Variants in TECPR2 observed in about 807,000 individuals in gnomAD.
The protein encoded by TECPR2 is tectonin beta-propeller repeat-containing protein 2.
TECPR2 carries 65 observed loss-of-function variants against 138.1 expected under a neutral mutation model. That is an observed-to-expected ratio of 0.47 (90% CI 0.39 to 0.58). The LOEUF is 0.58. Ranked by LOEUF, TECPR2 falls within the 20% of genes least tolerant of loss-of-function variation. TECPR2 has a pLI of 0.00. For missense variants in TECPR2, 1,553 were observed against 1,824.5 expected, an observed-to-expected ratio of 0.85 and a Z score of 2.71; for synonymous variants, 746 against 749.8, an observed-to-expected ratio of 0.99 and a Z score of 0.08.
chr14:102,376,981 A>G (rs1442716000), intron 2 of TECPR2, 41 bp downstream of exon 2: 9 of 1,581,010 alleles, frequency 5.7e-6, no homozygotes, highest in South Asian at 2.3e-5. Context: ...GGCACGAGCC[A>G]TAGCTGACGC....
intron 2 of TECPR2, among the ~76,000 whole-genome samples, chr14:102,387,619 C>G (rs1056950761): frequency 6.6e-6 from 1 of 152,004 alleles, no homozygotes; most frequent in Admixed American, 6.6e-5. Flanking sequence ...CTCTGCCTCC[C>G]GGTTTCACAT....
At chr14:102,370,232 C>A (rs962498968) in intron 1 of TECPR2, among the ~76,000 whole-genome samples, 1 of 151,982 alleles carries the variant, frequency 6.6e-6, no homozygotes, top group South Asian at 2.1e-4. Flanking sequence ...CCACCATGCC[C>A]AGCTAATTTT....
intron 16 of TECPR2, among the ~76,000 whole-genome samples, chr14:102,455,892 C>T (rs1017285940): frequency 1.1e-4 from 16 of 152,116 alleles, no homozygotes; most frequent in African/African-American, 3.6e-4. Context: ...GGATTACAGG[C>T]GTGAGCCACC....
intron 2 of TECPR2, among the ~76,000 whole-genome samples, chr14:102,383,962 C>G (rs1308935599): frequency 1.3e-5 from 2 of 150,362 alleles, no homozygotes; most frequent in African/African-American, 4.9e-5. Flanking sequence ...CTCTTGTTGC[C>G]TAGCCTGGAG....
At chr14:102,470,596 C>T (rs1293005871) in intron 17 of TECPR2, among the ~76,000 whole-genome samples, 2 of 151,714 alleles carry the variant, frequency 1.3e-5, no homozygotes, top group Admixed American at 1.3e-4. Context: ...GCATGAGCCA[C>T]TGCACCCAGC....
At chr14:102,401,078 T>G (rs1888463740) in intron 2 of TECPR2, among the ~76,000 whole-genome samples, 1 of 151,822 alleles carries the variant, frequency 6.6e-6, no homozygotes, top group Admixed American at 6.6e-5. Flanking sequence ...GTTTATTGGT[T>G]AATTACCTTA....
intron 10 of TECPR2, chr14:102,438,571 CTT>C (rs1356217591): frequency 1.1e-5 from 2 of 189,722 alleles, no homozygotes; most frequent in South Asian, 2.4e-4. Flanking sequence ...ACGTGTTTCT[CTT>C]TCTCATTGTT....
At chr14:102,458,872 G>C (rs138056752) in intron 16 of TECPR2, among the ~76,000 whole-genome samples, 1,563 of 151,574 alleles carry the variant, frequency 0.01, 29 homozygotes, top group African/African-American at 0.036. Context: ...CTACTTGGGA[G>C]GCTGAGGCAG....
intron 2 of TECPR2, among the ~76,000 whole-genome samples, chr14:102,384,193 A>G (rs1409363584): frequency 6.6e-6 from 1 of 151,942 alleles, no homozygotes; most frequent in Non-Finnish European, 1.5e-5. Context: ...TGCTGGGATT[A>G]CGGGTGTGAG....
chr14:102,493,377 G>C (rs1891200060), intron 17 of TECPR2, among the ~76,000 whole-genome samples: 2 of 152,056 alleles, frequency 1.3e-5, no homozygotes, highest in African/African-American at 4.8e-5. Context: ...CCTCCACATA[G>C]CCTGGTGGCC....
At chr14:102,408,426 G>A in intron 3 of TECPR2, 62 bp from the exon 4 acceptor site, 6 of 1,529,136 alleles carry the variant, frequency 3.9e-6, no homozygotes, top group Non-Finnish European at 5.3e-6. Flanking sequence ...TTTCCATGTA[G>A]CCCCAGCTCA....
chr14:102,485,240 A>G (rs1427856811), intron 17 of TECPR2, among the ~76,000 whole-genome samples: 2 of 152,186 alleles, frequency 1.3e-5, no homozygotes, highest in Non-Finnish European at 2.9e-5. Flanking sequence ...GCTGCCTGTT[A>G]CACTGTAAGT....
At chr14:102,425,480 T>A (rs575947146) in intron 6 of TECPR2, among the ~76,000 whole-genome samples, 189 bp downstream of exon 6, 1 of 152,198 alleles carries the variant, frequency 6.6e-6, no homozygotes, top group African/African-American at 2.4e-5. Context: ...AAAAAAAAAA[T>A]TTGGTTTTGA....
chr14:102,375,354 A>T (rs1034613015), intron 1 of TECPR2, among the ~76,000 whole-genome samples: 2 of 151,976 alleles, frequency 1.3e-5, no homozygotes, highest in African/African-American at 4.8e-5. Flanking sequence ...TCAAAAAAAA[A>T]GAAGAAAGGG....
At chr14:102,374,629 G>A (rs1887596166) in intron 1 of TECPR2, among the ~76,000 whole-genome samples, 1 of 152,170 alleles carries the variant, frequency 6.6e-6, no homozygotes, top group South Asian at 2.1e-4. Flanking sequence ...TTAAAAGCGT[G>A]ATCTTCCCAC....
intron 1 of TECPR2, among the ~76,000 whole-genome samples, 161 bp downstream of exon 1, chr14:102,363,277 G>A (rs956806508): frequency 5.9e-5 from 9 of 152,062 alleles, no homozygotes; most frequent in Admixed American, 5.2e-4. Context: ...GGTCTCGCCC[G>A]CGCGGAGTGG....
chr14:102,477,964 G>A (rs1890804390), intron 17 of TECPR2, among the ~76,000 whole-genome samples: 2 of 141,182 alleles, frequency 1.4e-5, no homozygotes, highest in African/African-American at 5.3e-5. Context: ...AAAAGAGTTA[G>A]CCAGGACGGT....
At chr14:102,484,319 G>A (rs1282654475) in intron 17 of TECPR2, among the ~76,000 whole-genome samples, 2 of 152,158 alleles carry the variant, frequency 1.3e-5, no homozygotes, top group East Asian at 3.9e-4. Context: ...TCTCCCTAAG[G>A]ATGTTTTGGA....
At chr14:102,471,005 G>T (rs568702100) in intron 17 of TECPR2, among the ~76,000 whole-genome samples, 2 of 152,230 alleles carry the variant, frequency 1.3e-5, no homozygotes, top group Non-Finnish European at 2.9e-5. Context: ...TTTTAGTAGA[G>T]ATGGGGTTTC....
Sources: allele counts gnomAD v4.1 joint callset (sites outside exome capture counted in the v4.1 genomes callset), GRCh38; gene constraint gnomAD v4.1.1; transcripts MANE v1.5; gene names NCBI Gene and HGNC (gene_info 2026-07-23, HGNC 2026-07-21).